PER3: variants seen among roughly 807,000 people sequenced by gnomAD.
The protein encoded by PER3 is period circadian protein homolog 3.
Under a neutral mutation model 127.2 loss-of-function variants are expected in PER3, and 107 were observed. The ratio of observed to expected loss-of-function variants is 0.84; its 90% CI spans 0.72 to 0.99. The LOEUF (loss-of-function observed/expected upper bound fraction) is 0.99. PER3 is among the 50% of genes least tolerant of loss of function. PER3 has a pLI of 0.00. For synonymous variants in PER3, 618 were observed against 585.8 expected (o/e 1.05, Z -0.79); for missense variants, 1,560 against 1,525.8 (o/e 1.02, Z -0.37).
chr1:7,801,006 C>G (rs956983789), intron 7 of PER3, 107 bp from the exon 8 acceptor site: 1 of 728,420 alleles, frequency 1.4e-6, no homozygotes, highest in Non-Finnish European at 2.4e-6. Context: ...GAGATTTCTA[C>G]CATTTCATAT....
intron 6 of PER3, among the ~76,000 whole-genome samples, chr1:7,797,051 C>CTG (rs2097148837): frequency 6.6e-6 from 1 of 152,054 alleles, no homozygotes; most frequent in African/African-American, 2.4e-5. Context: ...AGTTGAGACT[C>CTG]TATGAGAGTC....
In PER3 at chr1:7,792,645, T is replaced by G. The variant is rs533966641; in HGVS notation, c.593-1312T>G. Among the ~76,000 whole-genome samples, 88 of 152,328 alleles carry G rather than the reference T, an allele frequency of 5.8e-4. No homozygotes were observed. The South Asian group carries it at 6.6e-3, about 11-fold the overall frequency. On this transcript the variant is annotated intron_variant, in intron 5 of 21. Coordinates refer to ENST00000377532, the MANE Select transcript of PER3 (RefSeq NM_001377275.1). ...TGCGTTACCCCCTTCGATTCCTTAC[T>G]TTGAGCACATAGAACATCAAGAGGA...
rs1421640803 is a variant in PER3 at position 7,826,446 on chromosome 1, GAATTAA to G, written c.1958-26_1958-21del. On this transcript the variant is annotated intron_variant, in intron 16 of 21. Transcript: ENST00000377532. This position sits in a 1 kb window ranked among gnomAD's most constrained non-coding sequence, Gnocchi z 4.2. ...TAAAATAAATACAAATAATTGATAG[GAATTAA>G]AATTAAATATGTCTTCTTCCACCTC... 1.8e-6 allele frequency: 2 copies of G among 1,126,694 alleles called. No individual in the cohort carries two copies. Among genetic ancestry groups the G allele is most frequent in the African/African-American group, 1.6e-5 (1 of 64,384 alleles). 69.8% of individuals were successfully genotyped at this position (1,126,694 alleles called of 1,614,324 possible).
intron 5 of PER3, among the ~76,000 whole-genome samples, chr1:7,793,333 G>A (rs1025844344): frequency 6.6e-6 from 1 of 152,084 alleles, no homozygotes; most frequent in Non-Finnish European, 1.5e-5. Flanking sequence ...CAATAAAATG[G>A]GTGCAGAAAT....
At chr1:7,804,093 A>G (rs2097182421) in intron 10 of PER3, 3 of 351,438 alleles carry the variant, frequency 8.5e-6, no homozygotes, top group Middle Eastern at 7.7e-4. Context: ...TTGATGTATT[A>G]TTATATTGGT....
At chr1:7,812,796 A>T (rs2097226162) in intron 13 of PER3, among the ~76,000 whole-genome samples, 1 of 152,352 alleles carries the variant, frequency 6.6e-6, no homozygotes, top group African/African-American at 2.4e-5. Flanking sequence ...GCCATTTGGC[A>T]CAGCTTTGGA....
At chr1:7,832,601 C>T (rs955339866) in intron 19 of PER3, among the ~76,000 whole-genome samples, 2 of 152,012 alleles carry the variant, frequency 1.3e-5, no homozygotes, top group African/African-American at 4.8e-5. Flanking sequence ...TCTTGAACTC[C>T]TGATCTCATG....
intron 2 of PER3, 36 bp from the exon 3 acceptor site, chr1:7,785,405 C>CAGA: frequency 6.4e-7 from 1 of 1,570,926 alleles, no homozygotes; most frequent in Non-Finnish European, 8.7e-7. Context: ...CTGTTGTCTT[C>CAGA]AGAGGATGAA....
At position 7,810,467 on chromosome 1, in the gene PER3, GA is replaced by G; in HGVS notation, c.1403del (p.Asn468ThrfsTer15). The G allele has an allele frequency of 6.2e-7, 1 of 1,612,266 alleles. No homozygotes were observed. The highest frequency in any genetic ancestry group is 8.5e-7 in the Non-Finnish European group (1 of 1,178,910). On this transcript the variant is annotated frameshift_variant, in exon 13 of 22. Coordinates refer to ENST00000377532, the MANE Select transcript of PER3 (RefSeq NM_001377275.1). LOFTEE classifies it high-confidence loss of function. Reference protein sequence around the residue: ...MTLQQVYASVNKIKNLGQQLY... With the variant: ...MTLQQVYASVXKIKNLGQQLY... ...CCTTGCAGCAGGTCTATGCCAGTGT[GA>G]ACAAAATTAAAAATCTGGGTCAGCA...
chr1:7,842,889 C>T lies in PER3; in HGVS notation c.*134C>T. On this transcript the variant is annotated 3_prime_UTR_variant, in exon 22 of 22. Transcript: ENST00000377532. ...ATTTTTTCTTCTTGATTTTTTAATACACGTAATCTTTTTGAAGCAGACATT... is the reference window on the plus strand; with the variant it reads ...ATTTTTTCTTCTTGATTTTTTAATATACGTAATCTTTTTGAAGCAGACATT... 1 of 609,000 alleles carries T rather than the reference C, an allele frequency of 1.6e-6. No individual in the cohort carries two copies. Among genetic ancestry groups the T allele is most frequent in the African/African-American group, 1.8e-5 (1 of 54,236 alleles). 37.7% of individuals were successfully genotyped at this position (609,000 alleles called of 1,614,324 possible).
chr1:7,810,568 G>A lies in PER3; in HGVS notation c.1502G>A (p.Gly501Asp). Residue 501 changes from glycine to aspartate, a missense_variant, in exon 13 of 22, where the codon GGT (glycine) becomes GAT (aspartate). Around this residue, in one of 3 missense-constraint regions of PER3, gnomAD observed 1,332 missense variants for 1,223.6 expected, o/e 1.09. Transcript: ENST00000377532. Reference protein sequence around the residue: ...TGTRTEPNGGGESANGGGECK... With the variant: ...TGTRTEPNGGDESANGGGECK... Reference sequence around the variant, plus strand: ...ACACGCACAGAACCGAATGGTGGTGGTGAGTCAGCGAATGGTGGTGGTGAG... The same window carrying A: ...ACACGCACAGAACCGAATGGTGGTGATGAGTCAGCGAATGGTGGTGGTGAG... 2 of 1,610,544 alleles carry A rather than the reference G, an allele frequency of 1.2e-6. No homozygotes were observed. The highest frequency in any genetic ancestry group is 1.7e-6 in the Non-Finnish European group (2 of 1,178,780).
chr1:7,821,497 C>CA (rs1491176561), intron 16 of PER3, among the ~76,000 whole-genome samples: 3 of 152,200 alleles, frequency 2.0e-5, no homozygotes, highest in Non-Finnish European at 4.4e-5. Flanking sequence ...CTAGCCCCTC[C>CA]ACAGAGGAGC....
At chr1:7,822,413 C>G (rs920435547) in intron 16 of PER3, among the ~76,000 whole-genome samples, 2 of 152,012 alleles carry the variant, frequency 1.3e-5, no homozygotes, top group African/African-American at 4.8e-5. Context: ...CGCCACCATG[C>G]CCAGCTAATT....
intron 10 of PER3, among the ~76,000 whole-genome samples, chr1:7,807,620 G>A (rs546098611): frequency 3.3e-5 from 5 of 152,192 alleles, no homozygotes; most frequent in Non-Finnish European, 7.3e-5. Context: ...GTTCCTCAGA[G>A]TACCTCATCC....
intron 10 of PER3, among the ~76,000 whole-genome samples, chr1:7,807,899 A>G (rs2097201934): frequency 6.6e-6 from 1 of 152,198 alleles, no homozygotes; most frequent in Non-Finnish European, 1.5e-5. Context: ...ACTTGGAATA[A>G]TAAGGATTTT....
chr1:7,835,727 G>T, intron 19 of PER3, 35 bp from the exon 20 acceptor site: 2 of 1,494,702 alleles, frequency 1.3e-6, no homozygotes, highest in African/African-American at 1.4e-5. Flanking sequence ...AGTCGGACAG[G>T]TCTTTTCTAA....
At chr1:7,820,967 T>C (rs2097273935) in intron 16 of PER3, among the ~76,000 whole-genome samples, 1 of 152,228 alleles carries the variant, frequency 6.6e-6, no homozygotes, top group Non-Finnish European at 1.5e-5. Context: ...CTGTGTTAGG[T>C]TACTTCCTTG....
At chr1:7,792,476 A>T (rs987660715) in intron 5 of PER3, among the ~76,000 whole-genome samples, 1 of 152,230 alleles carries the variant, frequency 6.6e-6, no homozygotes, top group African/African-American at 2.4e-5. Flanking sequence ...CCCTGAAATA[A>T]TTCTTTTGGA....
At chr1:7,819,210 A>G in intron 13 of PER3, 75 bp from the exon 14 acceptor site, 2 of 1,334,772 alleles carry the variant, frequency 1.5e-6, no homozygotes, top group Non-Finnish European at 2.1e-6. Flanking sequence ...CCATGATTTA[A>G]TTTTGGTAAG....
Sources: gnomAD v4.1 joint callset for allele counts (sites outside exome capture counted in the v4.1 genomes callset) on GRCh38, gnomAD v4.1.1 for gene constraint, gnomAD v4.1.1 regional missense constraint, Gnocchi (gnomAD v3.1) non-coding constraint, MANE v1.5 for transcripts, NCBI Gene and HGNC (gene_info 2026-07-23, HGNC 2026-07-21) for gene names.